Variants in NID1 observed in about 807,000 individuals in gnomAD.
NID1 encodes nidogen 1, also known as nidogen-1.
A neutral mutation model predicts 130.6 loss-of-function variants in NID1; 76 were observed. The ratio of observed to expected loss-of-function variants is 0.58; its 90% CI spans 0.48 to 0.70. NID1 has a LOEUF of 0.70. Ranked by LOEUF, NID1 falls within the 30% of genes least tolerant of loss-of-function variation. The pLI is 0.00. For missense variants in NID1, 1,517 were observed against 1,664.8 expected, an observed-to-expected ratio of 0.91 and a Z score of 1.54; for synonymous variants, 665 against 675.1, an observed-to-expected ratio of 0.98 and a Z score of 0.23.
chr1:235,984,726 C>G (rs1467013542), intron 15 of NID1, among the ~76,000 whole-genome samples: 1 of 152,088 alleles, frequency 6.6e-6, no homozygotes, highest in Non-Finnish European at 1.5e-5. Context: ...TTTTAGAGGC[C>G]TTTGGATTTT....
At chr1:235,995,918 G>C (rs1434104526) in intron 12 of NID1, among the ~76,000 whole-genome samples, 1 of 152,200 alleles carries the variant, frequency 6.6e-6, no homozygotes, top group Non-Finnish European at 1.5e-5. Context: ...CCAGCACTTT[G>C]GGAGACCAAG....
chr1:235,992,316 TCAC>T (rs1287391876), intron 13 of NID1, among the ~76,000 whole-genome samples: 1 of 152,180 alleles, frequency 6.6e-6, no homozygotes, highest in Admixed American at 6.5e-5. Context: ...CATCCGTTTC[TCAC>T]CTGGATTCAT....
chr1:236,024,301 G>A, intron 8 of NID1, 88 bp from the exon 9 acceptor site: 1 of 1,474,074 alleles, frequency 6.8e-7, no homozygotes. Flanking sequence ...CACAACTGGT[G>A]AGCAAGAAGG....
chr1:236,049,242 C>T (rs970773148), intron 1 of NID1, among the ~76,000 whole-genome samples: 17 of 152,272 alleles, frequency 1.1e-4, no homozygotes, highest in African/African-American at 4.1e-4. Context: ...TCACTCCCTA[C>T]CAGGACTGCT....
intron 13 of NID1, 39 bp downstream of exon 13, chr1:235,993,606 T>C (rs1445755070): frequency 3.4e-6 from 5 of 1,465,602 alleles, no homozygotes; most frequent in African/African-American, 1.7e-5. Context: ...CCGAGGTCCT[T>C]CTCAGGCACA....
intron 12 of NID1, among the ~76,000 whole-genome samples, chr1:236,007,398 T>C (rs1484405640): frequency 2.0e-5 from 3 of 152,302 alleles, no homozygotes; most frequent in East Asian, 3.9e-4. Context: ...TCAGTGGCTA[T>C]GGTGGCCGAC....
At chr1:235,996,888 G>A (rs973672878) in intron 12 of NID1, among the ~76,000 whole-genome samples, 7 of 152,054 alleles carry the variant, frequency 4.6e-5, no homozygotes, top group South Asian at 2.1e-4. Flanking sequence ...GGGCTGGAGT[G>A]CAGTGGCGCG....
At chr1:236,009,311 T>C (rs1170481131) in intron 12 of NID1, among the ~76,000 whole-genome samples, 2 of 152,204 alleles carry the variant, frequency 1.3e-5, no homozygotes, top group East Asian at 3.8e-4. Context: ...AAGTGAGCCT[T>C]CGCCAGACAC....
chr1:236,014,264 C>G (rs772618024), intron 10 of NID1, among the ~76,000 whole-genome samples: 2 of 145,318 alleles, frequency 1.4e-5, no homozygotes, highest in Non-Finnish European at 3.0e-5. Flanking sequence ...TAAGGTAGGA[C>G]AAACTGAAAT....
At position 235,978,984 on chromosome 1, in the gene NID1, A is replaced by G; in HGVS notation, c.3622+11T>C. 1 of 1,589,756 alleles carries G rather than the reference A, an allele frequency of 6.3e-7. No individual in the cohort carries two copies. The highest frequency in any genetic ancestry group is 8.6e-7 in the Non-Finnish European group (1 of 1,157,894). ...CCCAGTATGCCAACAGTAACAGCAC[A>G]GGAGAGTTACCTTGCGGACACTGAG... On this transcript the variant is annotated intron_variant, in intron 19 of 19. Transcript: ENST00000264187.
chr1:236,013,708 G>C lies in NID1; in HGVS notation c.2255-148C>G, dbSNP rs964155612. The C allele has an allele frequency of 1.9e-5, 17 of 872,960 alleles. No homozygotes were observed. The East Asian group carries it at 2.7e-4, about 14-fold the overall frequency. 54.1% of individuals were successfully genotyped at this position (872,960 alleles called of 1,614,324 possible). On this transcript the variant is annotated intron_variant, in intron 10 of 19. Coordinates refer to ENST00000264187, the MANE Select transcript of NID1 (RefSeq NM_002508.3). ...CTTCACCTGCACCCCACTCCTCACT[G>C]GGCTGGTACTACTGCTTTCACCGTT...
At position 236,042,041 on chromosome 1, in the gene NID1, C is replaced by T. The variant is rs34406281; in HGVS notation, c.1004G>A (p.Arg335His). Residue 335 changes from arginine (R) to histidine (H), a missense_variant, in exon 4 of 20, where the codon CGC becomes CAC. By Grantham distance (29) the Arg-to-His change is conservative. This residue lies in a region of NID1 where 1,329 missense variants were observed against 1,429.2 expected (regional missense o/e 0.93). Coordinates refer to ENST00000264187, the MANE Select transcript of NID1 (RefSeq NM_002508.3). ...AAGGGGCCTTTCGGTAGCTGCCCGGCGCGGGGAGAGGACGCTGGGCACACT... is the reference window on the plus strand; with the variant it reads ...AAGGGGCCTTTCGGTAGCTGCCCGGTGCGGGGAGAGGACGCTGGGCACACT... ...TYSVPSVLSPRRAATERPLGP... is the reference protein window; with the variant it reads ...TYSVPSVLSPHRAATERPLGP... The T allele has an allele frequency of 3.5e-3, 5,601 of 1,614,074 alleles. 141 individuals are homozygous for T. The African/African-American group carries it at 0.062, about 18-fold the overall frequency.
chr1:236,016,041 C>T (rs997682826), intron 10 of NID1, among the ~76,000 whole-genome samples: 1 of 151,794 alleles, frequency 6.6e-6, no homozygotes, highest in African/African-American at 2.4e-5. Flanking sequence ...AAGCTTGAGC[C>T]GAAGTGTAAT....
In NID1 at chr1:236,013,421, T is replaced by C. The variant is rs747813164; in HGVS notation, c.2394A>G (p.Gln798=). 5 of 1,613,910 alleles carry C rather than the reference T, an allele frequency of 3.1e-6. No individual in the cohort carries two copies. The highest frequency in any genetic ancestry group is 4.2e-6 in the Non-Finnish European group (5 of 1,180,022). Residue 798 remains glutamine, a synonymous_variant, in exon 11 of 20, where the codon CAA becomes CAG. Coordinates refer to ENST00000264187, the MANE Select transcript of NID1 (RefSeq NM_002508.3). ...AGAGCAACCACACACCTTGGCAGGC[T>C]TGGCCATCCCCAGAAAAGCCTGGCA... The part of the protein sequence containing the change: ...SCLPGFSGDG[Q]ACQDVDECQP...
chr1:236,043,998 T>A (rs1659527032), intron 3 of NID1, among the ~76,000 whole-genome samples: 1 of 152,232 alleles, frequency 6.6e-6, no homozygotes, highest in African/African-American at 2.4e-5. Context: ...TTACCATTCT[T>A]CTGTGTCTGT....
intron 1 of NID1, among the ~76,000 whole-genome samples, chr1:236,057,696 A>G (rs1659933048): frequency 1.3e-5 from 2 of 152,092 alleles, no homozygotes; most frequent in Non-Finnish European, 2.9e-5. Flanking sequence ...AGACTGAAAG[A>G]AAGAAGGAAA....
chr1:236,037,998 T>C, intron 5 of NID1, 106 bp downstream of exon 5: 1 of 1,327,632 alleles, frequency 7.5e-7, no homozygotes, highest in Non-Finnish European at 1.0e-6. Flanking sequence ...AGAAAAACTC[T>C]ACACACCTAC....
chr1:236,009,697 C>G (rs1381448409), intron 12 of NID1, among the ~76,000 whole-genome samples: 2 of 152,222 alleles, frequency 1.3e-5, no homozygotes, highest in Non-Finnish European at 2.9e-5. Flanking sequence ...CTAGTTCATT[C>G]ATTTTAACTG....
intron 3 of NID1, 48 bp downstream of exon 3, chr1:236,045,409 T>A: frequency 1.5e-6 from 2 of 1,335,832 alleles, no homozygotes; most frequent in Non-Finnish European, 2.1e-6. Context: ...ATTATCCACA[T>A]TAAAAAATAT....
Sources: gnomAD v4.1 joint callset for allele counts (sites outside exome capture counted in the v4.1 genomes callset) on GRCh38, gnomAD v4.1.1 for gene constraint, gnomAD v4.1.1 regional missense constraint, MANE v1.5 for transcripts, NCBI Gene and HGNC (gene_info 2026-07-23, HGNC 2026-07-21) for gene names.